FRAS1: variants seen among roughly 807,000 people sequenced by gnomAD.
FRAS1 encodes extracellular matrix organizing protein FRAS1.
Under a neutral mutation model 435.2 loss-of-function variants are expected in FRAS1, and 290 were observed. That is an observed-to-expected ratio of 0.67 (90% confidence interval 0.61 to 0.73). The LOEUF (loss-of-function observed/expected upper bound fraction) is 0.73. Ranked by LOEUF, FRAS1 falls within the 30% of genes least tolerant of loss-of-function variation. The pLI is 0.00. For synonymous variants in FRAS1, 1,800 were observed against 1,851.0 expected (o/e 0.97, Z 0.71); for missense variants, 4,860 against 5,001.5 (o/e 0.97, Z 0.85).
intron 2 of FRAS1, chr4:78,068,548 T>C: frequency 2.2e-6 from 1 of 456,264 alleles, no homozygotes; most frequent in Non-Finnish European, 4.4e-6. Flanking sequence ...AGCTTGTCCT[T>C]TCAGGAAGGT....
At chr4:78,117,314 A>G (rs1271777747) in intron 2 of FRAS1, among the ~76,000 whole-genome samples, 1 of 152,060 alleles carries the variant, frequency 6.6e-6, no homozygotes, top group Non-Finnish European at 1.5e-5. Context: ...TGTGTCTTGG[A>G]GTTGCTCTTC....
intron 5 of FRAS1, 116 bp from the exon 6 acceptor site, chr4:78,255,126 A>C: frequency 1.9e-5 from 17 of 914,066 alleles, no homozygotes; most frequent in East Asian, 5.2e-5. Context: ...CAAATGCAGG[A>C]CCTCCTTCTG....
intron 70 of FRAS1, among the ~76,000 whole-genome samples, chr4:78,527,890 G>C (rs1250070903): frequency 6.6e-6 from 1 of 152,246 alleles, no homozygotes; most frequent in South Asian, 2.1e-4. Flanking sequence ...AGGGGATAGA[G>C]GGAAAGCTTG....
intron 2 of FRAS1, among the ~76,000 whole-genome samples, chr4:78,166,124 T>C (rs1721323087): frequency 6.6e-6 from 1 of 152,160 alleles, no homozygotes; most frequent in Non-Finnish European, 1.5e-5. Context: ...ACTTTGGCAT[T>C]GAAAGAAATA....
intron 49 of FRAS1, among the ~76,000 whole-genome samples, 154 bp downstream of exon 49, chr4:78,464,737 C>T (rs997159010): frequency 2.0e-5 from 3 of 152,168 alleles, no homozygotes; most frequent in Admixed American, 6.6e-5. Context: ...ATACCAGGGC[C>T]TTCTGGAAAA....
intron 2 of FRAS1, among the ~76,000 whole-genome samples, chr4:78,184,903 T>C (rs1722206527): frequency 6.6e-6 from 1 of 152,224 alleles, no homozygotes; most frequent in African/African-American, 2.4e-5. Context: ...AAAGTTTATG[T>C]ATGCTACCAA....
chr4:78,365,735 A>AT (rs1181631340), intron 22 of FRAS1, among the ~76,000 whole-genome samples: 26 of 130,136 alleles, frequency 2.0e-4, no homozygotes, highest in African/African-American at 8.5e-4. Context: ...TTTCTAGTAC[A>AT]TTAAAAAAAA....
chr4:78,135,374 C>T (rs1247515086), intron 2 of FRAS1, among the ~76,000 whole-genome samples: 1 of 152,162 alleles, frequency 6.6e-6, no homozygotes, highest in Non-Finnish European at 1.5e-5. Context: ...TTTATTGCTA[C>T]TGGCCTGTGT....
In FRAS1 at chr4:78,090,432, T is replaced by A. The variant is rs1741458049; in HGVS notation, c.108+24416T>A. The stretch of plus-strand genomic sequence containing the variant: ...CTGGAAATTATACTAAGTTTAAAGC[T>A]ATTTTTTCTATTGATTTTTTTTGCC... On this transcript the variant is annotated intron_variant, in intron 2 of 73. Coordinates refer to ENST00000512123, the MANE Select transcript of FRAS1 (RefSeq NM_025074.7). 2.0e-5 allele frequency among the ~76,000 whole-genome samples: 3 copies of A among 152,352 alleles called. No homozygotes were observed. In the South Asian group the frequency reaches 6.2e-4, roughly 32 times the overall value.
rs766569061 is a variant in FRAS1, at chr4:78,540,798, T to C, written c.11713T>C (p.Ser3905Pro). ...TGCGTCCCTGTCACAGACTGGGGCG[T>C]CCATTGGCAGTGCCCTGGCTGCAAT... Reference protein sequence around the residue: ...VAASLSQTGASIGSALAAIML... With the variant: ...VAASLSQTGAPIGSALAAIML... Residue 3905 changes from serine to proline, a missense_variant, in exon 74 of 74, where the codon TCC (serine) becomes CCC (proline). Physicochemically the swap from Ser to Pro is moderately conservative, Grantham distance 74 (BLOSUM62 -1). Transcript: ENST00000512123. 1 of 1,613,890 alleles carries C rather than the reference T, an allele frequency of 6.2e-7. No individual in the cohort carries two copies.
chr4:78,456,132 A>G (rs1192221451), intron 47 of FRAS1, among the ~76,000 whole-genome samples: 1 of 92,532 alleles, frequency 1.1e-5, no homozygotes, highest in Admixed American at 1.2e-4. Context: ...TGAAGAACAC[A>G]TGTCACTTTT....
At chr4:78,243,594 A>G (rs1403139229) in intron 3 of FRAS1, among the ~76,000 whole-genome samples, 1 of 152,098 alleles carries the variant, frequency 6.6e-6, no homozygotes, top group Non-Finnish European at 1.5e-5. Context: ...GTTCCACCAG[A>G]AATTCAATAG....
At chr4:78,236,937 A>G (rs772427567) in intron 2 of FRAS1, among the ~76,000 whole-genome samples, 7 of 152,156 alleles carry the variant, frequency 4.6e-5, no homozygotes, top group Admixed American at 6.5e-5. Context: ...ATACCTCAAT[A>G]TGCCCAGCAC....
At chr4:78,136,846 G>A (rs145275871) in intron 2 of FRAS1, among the ~76,000 whole-genome samples, 329 of 152,306 alleles carry the variant, frequency 2.2e-3, no homozygotes, top group Middle Eastern at 6.8e-3. Flanking sequence ...TCCAGTGTGA[G>A]CTTCCCCACC....
chr4:78,451,789 C>T lies in FRAS1; in HGVS notation c.6481C>T (p.His2161Tyr). The T allele has an allele frequency of 6.2e-7, 1 of 1,610,612 alleles. No individual in the cohort carries two copies. Among genetic ancestry groups the T allele is most frequent in the Non-Finnish European group, 8.5e-7 (1 of 1,177,958 alleles). The change falls in exon 46 of 74, where the codon CAT becomes TAT. Residue 2161 changes from histidine to tyrosine, a missense_variant. Physicochemically the swap from His to Tyr is moderately conservative, Grantham distance 83. Transcript: ENST00000512123. ...DISQGHVEYS[H>Y]GTGEPGGSFA... ...TTTTATAGGCCACGTAGAATATAGTCATGGAACAGGAGAACCTGGAGGGAG... is the reference window on the plus strand; with the variant it reads ...TTTTATAGGCCACGTAGAATATAGTTATGGAACAGGAGAACCTGGAGGGAG...
At chr4:78,070,864 T>G (rs1740310421) in intron 2 of FRAS1, 1 of 152,236 alleles carries the variant, frequency 6.6e-6, no homozygotes, top group African/African-American at 2.4e-5. Flanking sequence ...GGAGATGAAC[T>G]ATTTACTTCT....
intron 60 of FRAS1, 100 bp downstream of exon 60, chr4:78,497,061 A>C (rs552274789): frequency 1.1e-6 from 1 of 895,452 alleles, no homozygotes; most frequent in Admixed American, 2.5e-5. Context: ...TGCTTTAAGA[A>C]TGCCTACTGA....
In FRAS1 at chr4:78,507,460, A is replaced by T; in HGVS notation, c.9356A>T (p.Asn3119Ile). 6.2e-7 allele frequency: 1 copy of T among 1,612,594 alleles called. No individual in the cohort carries two copies. The highest frequency in any genetic ancestry group is 1.1e-5 in the South Asian group (1 of 90,656). ...TTTTTTAAAGTTGAGATCCTGTCCA[A>T]TGAAGACCGGGAATGGCATGAATCT... is the stretch of plus-strand genomic sequence containing the variant. ...HIFFKVEILS[N>I]EDREWHESFS... The change falls in exon 62 of 74, where the codon AAT becomes ATT. Residue 3119 changes from asparagine (N) to isoleucine (I), a missense_variant. Transcript: ENST00000512123.
intron 4 of FRAS1, among the ~76,000 whole-genome samples, chr4:78,251,055 G>T (rs1725507977): frequency 6.6e-6 from 1 of 151,646 alleles, no homozygotes; most frequent in Admixed American, 6.6e-5. Context: ...TGTGTTTTTG[G>T]CAGATTTAAA....
Sources: allele counts gnomAD v4.1 joint callset (sites outside exome capture counted in the v4.1 genomes callset), GRCh38; gene constraint gnomAD v4.1.1; transcripts MANE v1.5; gene names NCBI Gene and HGNC (gene_info 2026-07-23, HGNC 2026-07-21).